The following TFEC variants were observed in gnomAD, a reference collection of about 807,000 sequenced individuals.
TFEC encodes class E basic helix-loop-helix protein 34.
A neutral mutation model predicts 41.6 loss-of-function variants in TFEC; 31 were observed. The ratio of observed to expected loss-of-function variants is 0.74; its 90% CI spans 0.56 to 1.01. The LOEUF is 1.01. TFEC is among the 50% of genes least tolerant of loss of function. TFEC has a pLI of 0.00. For synonymous variants in TFEC, 143 were observed against 140.6 expected, an observed-to-expected ratio of 1.02 and a Z score of -0.12; for missense variants, 402 against 404.1, an observed-to-expected ratio of 0.99 and a Z score of 0.04.
intron 3 of TFEC, among the ~76,000 whole-genome samples, chr7:116,046,354 C>T (rs574342695): frequency 2.0e-4 from 30 of 152,194 alleles, no homozygotes; most frequent in South Asian, 6.2e-4. Context: ...AAATGGGTGA[C>T]GGTTTTCCTG....
chr7:116,013,193 T>G (rs1428250359), intron 1 of TFEC, among the ~76,000 whole-genome samples: 1 of 152,112 alleles, frequency 6.6e-6, no homozygotes, highest in Non-Finnish European at 1.5e-5. Flanking sequence ...CTTGTCTTTG[T>G]TTTACTTAAC....
intron 3 of TFEC, among the ~76,000 whole-genome samples, chr7:116,105,635 C>T (rs1797700987): frequency 6.6e-6 from 1 of 151,936 alleles, no homozygotes; most frequent in South Asian, 2.1e-4. Flanking sequence ...CCTTGTTAGC[C>T]ACAGACTCAG....
At chr7:116,055,779 T>A (rs1336087226) in intron 3 of TFEC, among the ~76,000 whole-genome samples, 1 of 152,068 alleles carries the variant, frequency 6.6e-6, no homozygotes, top group Non-Finnish European at 1.5e-5. Flanking sequence ...AATGGAAAGC[T>A]TAAAAGGTCA....
chr7:115,989,748 G>A (rs1356981321), intron 1 of TFEC, among the ~76,000 whole-genome samples: 2 of 152,120 alleles, frequency 1.3e-5, no homozygotes, highest in South Asian at 4.2e-4. Context: ...TTGATGGAGT[G>A]CACCACAGCT....
chr7:116,115,827 C>T (rs543149734), intron 1 of TFEC, among the ~76,000 whole-genome samples: 2 of 152,042 alleles, frequency 1.3e-5, no homozygotes, highest in South Asian at 2.1e-4. Context: ...TTCACAGACA[C>T]TTAGAGTGCT....
rs74375315 is a variant in TFEC at position 116,096,589 on chromosome 7, G to GTT, written c.198+14117_198+14118dup. Among the ~76,000 whole-genome samples, 99 of 148,570 alleles carry GTT rather than the reference G, an allele frequency of 6.7e-4. 1 individual carries two copies. Among genetic ancestry groups the GTT allele is most frequent in the African/African-American group, 2.0e-3 (82 of 40,588 alleles). ...GATACTGAGAGTCCTCTTACTATGC[G>GTT]TTTTTTTTTTCCACTTGTATATCTT... is the stretch of plus-strand genomic sequence containing the variant. On this transcript the variant is annotated intron_variant, in intron 3 of 8. Coordinates refer to the TFEC transcript ENST00000484212.
At chr7:116,094,506 C>T (rs1401423373) in intron 3 of TFEC, among the ~76,000 whole-genome samples, 1 of 151,024 alleles carries the variant, frequency 6.6e-6, no homozygotes, top group Non-Finnish European at 1.5e-5. Context: ...TGATGAAATC[C>T]CGTCTCTACC....
intron 1 of TFEC, among the ~76,000 whole-genome samples, chr7:116,013,308 G>A (rs911169246): frequency 6.6e-6 from 1 of 152,080 alleles, no homozygotes; most frequent in African/African-American, 2.4e-5. Context: ...TGTAGGAAAG[G>A]TGTTCAGTTA....
At chr7:116,120,764 G>T (rs1372657268) in intron 1 of TFEC, among the ~76,000 whole-genome samples, 1 of 151,930 alleles carries the variant, frequency 6.6e-6, no homozygotes, top group African/African-American at 2.4e-5. Context: ...ACAGAATAGG[G>T]AGAGGTATAG....
intron 1 of TFEC, among the ~76,000 whole-genome samples, chr7:116,143,883 T>A (rs1216114020): frequency 6.6e-6 from 1 of 152,142 alleles, no homozygotes; most frequent in Non-Finnish European, 1.5e-5. Flanking sequence ...TCCTAGGTTT[T>A]TATAAACATT....
intron 1 of TFEC, among the ~76,000 whole-genome samples, chr7:116,121,062 T>C (rs780330365): frequency 4.6e-5 from 7 of 152,046 alleles, no homozygotes; most frequent in Non-Finnish European, 7.4e-5. Context: ...CCCAAGAGAA[T>C]TGAAAACAAA....
chr7:116,146,858 C>T (rs181715749), intron 1 of TFEC, among the ~76,000 whole-genome samples: 3 of 152,160 alleles, frequency 2.0e-5, no homozygotes, highest in Admixed American at 2.0e-4. Context: ...ATAAAAGAGA[C>T]TACTGAAAGT....
At chr7:116,009,202 C>A (rs941541921) in intron 1 of TFEC, among the ~76,000 whole-genome samples, 1 of 152,016 alleles carries the variant, frequency 6.6e-6, no homozygotes, top group Non-Finnish European at 1.5e-5. Flanking sequence ...AAAATGAATA[C>A]CAGCAATAAC....
At chr7:116,111,682 G>A (rs1293662128) in intron 2 of TFEC, among the ~76,000 whole-genome samples, 1 of 151,900 alleles carries the variant, frequency 6.6e-6, no homozygotes, top group African/African-American at 2.4e-5. Context: ...CTTGCTAATA[G>A]CCACCCAAAT....
intron 2 of TFEC, among the ~76,000 whole-genome samples, chr7:115,981,036 A>G (rs954949511): frequency 1.3e-5 from 2 of 152,094 alleles, no homozygotes; most frequent in Non-Finnish European, 2.9e-5. Flanking sequence ...TTTCTCTTGC[A>G]TGTTCCTAAT....
Position 116,011,924 on chromosome 7 carries a change from C to T in TFEC, c.-73+18709G>A, listed in dbSNP as rs369695713. ...TCCCCTTCTGCCATGACTGTAAGCT[C>T]CCTGCAGCCTCAGCCAAAGCAGGTG... On this transcript the variant is annotated intron_variant, in intron 1 of 7. Transcript: ENST00000265440. Among the ~76,000 whole-genome samples, 24 of 152,300 alleles carry T rather than the reference C, an allele frequency of 1.6e-4. No homozygotes were observed. The East Asian group carries it at 2.3e-3, about 15-fold the overall frequency.
rs183392594 is a variant in TFEC, at chr7:116,069,088, T to C, written c.198+41620A>G. Among the ~76,000 whole-genome samples the C allele has an allele frequency of 7.9e-5, 12 of 151,784 alleles. No homozygotes were observed. In the East Asian group the frequency reaches 2.1e-3, roughly 27 times the overall value. Reference sequence around the variant, plus strand: ...AGCTAATATGTTGAACTGTCATATATAGAAAGAGTGATAATTTTGCAAATT... The same window carrying C: ...AGCTAATATGTTGAACTGTCATATACAGAAAGAGTGATAATTTTGCAAATT... On this transcript the variant is annotated intron_variant, in intron 3 of 8. Transcript: ENST00000484212.
intron 3 of TFEC, among the ~76,000 whole-genome samples, chr7:116,068,619 T>C (rs1796751582): frequency 6.6e-6 from 1 of 151,710 alleles, no homozygotes; most frequent in South Asian, 2.1e-4. Flanking sequence ...TACTAGTATA[T>C]ATGCATATTA....
At chr7:115,950,767 AGCT>A (rs939117758) in intron 6 of TFEC, 104 bp downstream of exon 6, 2 of 748,874 alleles carry the variant, frequency 2.7e-6, no homozygotes, top group African/African-American at 1.8e-5. Flanking sequence ...TTTTGCTATA[AGCT>A]GCTTAGTTTC....
Sources: gnomAD v4.1 joint callset for allele counts (sites outside exome capture counted in the v4.1 genomes callset) on GRCh38, gnomAD v4.1.1 for gene constraint, MANE v1.5 for transcripts, NCBI Gene and HGNC (gene_info 2026-07-23, HGNC 2026-07-21) for gene names.